The following PTPRM variants were observed in gnomAD, a reference collection of about 807,000 sequenced individuals.
PTPRM encodes receptor-type tyrosine-protein phosphatase mu.
A neutral mutation model predicts 186.7 loss-of-function variants in PTPRM; 47 were observed. That is an observed-to-expected ratio of 0.25 (90% CI 0.20 to 0.32). The LOEUF (loss-of-function observed/expected upper bound fraction) is 0.32, where lower values mean the gene tolerates loss of function less well. Among genes scored for constraint, PTPRM ranks in the 10% least tolerant of loss-of-function variants. The pLI is 1.00. For synonymous variants in PTPRM, 668 were observed against 674.9 expected, an observed-to-expected ratio of 0.99 and a Z score of 0.16; for missense variants, 1,494 against 1,865.0, an observed-to-expected ratio of 0.80 and a Z score of 3.66.
chr18:7,987,143 C>A (rs143428150), intron 7 of PTPRM, among the ~76,000 whole-genome samples: 173 of 152,274 alleles, frequency 1.1e-3, no homozygotes, highest in African/African-American at 3.9e-3. Context: ...TTAGACACAG[C>A]GCTTTTGAGC....
chr18:7,958,020 A>G (rs994467161), intron 7 of PTPRM, among the ~76,000 whole-genome samples: 1 of 152,140 alleles, frequency 6.6e-6, no homozygotes, highest in African/African-American at 2.4e-5. Context: ...AGTAATAGGA[A>G]TAAATCTAAA....
chr18:8,317,570 G>A (rs1362874544), intron 21 of PTPRM, among the ~76,000 whole-genome samples: 9 of 152,034 alleles, frequency 5.9e-5, no homozygotes, highest in Non-Finnish European at 1.2e-4. Context: ...GCAGATGGAG[G>A]AAAATGTCCA....
At chr18:7,758,705 T>C (rs2041624947) in intron 1 of PTPRM, among the ~76,000 whole-genome samples, 1 of 152,190 alleles carries the variant, frequency 6.6e-6, no homozygotes, top group Non-Finnish European at 1.5e-5. Context: ...AGTAAAGATA[T>C]CACATTTTGC....
At chr18:8,314,058 T>C (rs1444797743) in intron 20 of PTPRM, among the ~76,000 whole-genome samples, 1 of 152,162 alleles carries the variant, frequency 6.6e-6, no homozygotes, top group Non-Finnish European at 1.5e-5. Context: ...TCAATAGTAT[T>C]TGCAGATAAT....
At chr18:8,244,665 A>G (rs2094461506) in intron 15 of PTPRM, among the ~76,000 whole-genome samples, 2 of 152,214 alleles carry the variant, frequency 1.3e-5, no homozygotes, top group African/African-American at 4.8e-5. Context: ...GTCAGTGTCA[A>G]TTAATAAATT....
intron 13 of PTPRM, among the ~76,000 whole-genome samples, chr18:8,115,323 T>A (rs1482662683): frequency 6.6e-6 from 1 of 152,158 alleles, no homozygotes; most frequent in Non-Finnish European, 1.5e-5. Flanking sequence ...GTTATGTTGC[T>A]GTGGAGCATC....
chr18:7,629,014 T>C (rs1240844864), intron 1 of PTPRM, among the ~76,000 whole-genome samples: 1 of 152,202 alleles, frequency 6.6e-6, no homozygotes, highest in African/African-American at 2.4e-5. Context: ...GTTTGAACCA[T>C]TGAGTTAGCT....
At chr18:8,393,077 G>C (rs141423437) in intron 31 of PTPRM, among the ~76,000 whole-genome samples, 29 of 152,298 alleles carry the variant, frequency 1.9e-4, no homozygotes, top group African/African-American at 7.0e-4. Flanking sequence ...AAATATTTGC[G>C]TAGTCCCAAA....
chr18:7,891,277 C>A (rs72636713), intron 3 of PTPRM, among the ~76,000 whole-genome samples: 6 of 151,682 alleles, frequency 4.0e-5, no homozygotes, highest in Non-Finnish European at 7.4e-5. Context: ...CAGAGTGAGA[C>A]CTTGCCTCAA....
At chr18:7,822,016 A>G (rs1161430516) in intron 2 of PTPRM, among the ~76,000 whole-genome samples, 1 of 152,246 alleles carries the variant, frequency 6.6e-6, no homozygotes, top group East Asian at 1.9e-4. Flanking sequence ...AGGGAGGACT[A>G]CTATATTGCC....
intron 2 of PTPRM, among the ~76,000 whole-genome samples, chr18:7,856,598 C>T (rs574473390): frequency 2.0e-5 from 3 of 151,832 alleles, no homozygotes; most frequent in East Asian, 1.9e-4. Flanking sequence ...AAGAAAACTA[C>T]CTGGATGTGG....
At chr18:8,196,533 G>A (rs769435421) in intron 14 of PTPRM, among the ~76,000 whole-genome samples, 8 of 152,184 alleles carry the variant, frequency 5.3e-5, no homozygotes, top group Non-Finnish European at 8.8e-5. Flanking sequence ...AGCATTTGCT[G>A]AAAATATTCA....
chr18:8,327,272 A>G (rs1343787062), intron 22 of PTPRM, among the ~76,000 whole-genome samples: 1 of 152,210 alleles, frequency 6.6e-6, no homozygotes, highest in Admixed American at 6.5e-5. Flanking sequence ...GCCAGGTCAC[A>G]TTGGCAAAGA....
chr18:8,239,338 A>C (rs2147238997), intron 14 of PTPRM, among the ~76,000 whole-genome samples: 1 of 152,200 alleles, frequency 6.6e-6, no homozygotes, highest in African/African-American at 2.4e-5. Context: ...GGCTTTGTTA[A>C]GAACAGAACA....
intron 1 of PTPRM, among the ~76,000 whole-genome samples, chr18:7,713,052 C>T (rs1246955285): frequency 2.6e-5 from 4 of 151,894 alleles, no homozygotes; most frequent in Non-Finnish European, 5.9e-5. Context: ...AAGAGCAACC[C>T]CAAGACACAT....
intron 7 of PTPRM, among the ~76,000 whole-genome samples, chr18:7,985,510 T>C (rs1248114089): frequency 6.7e-6 from 1 of 149,208 alleles, no homozygotes; most frequent in East Asian, 1.9e-4. Context: ...TATAAATATA[T>C]ACATATACTG....
chr18:8,313,567 C>A (rs560656030), intron 20 of PTPRM, among the ~76,000 whole-genome samples: 1 of 151,454 alleles, frequency 6.6e-6, no homozygotes, highest in East Asian at 1.9e-4. Flanking sequence ...ATTAGCACAT[C>A]CTTTCTTTTT....
intron 1 of PTPRM, among the ~76,000 whole-genome samples, chr18:7,577,410 G>A (rs2036716591): frequency 6.6e-6 from 1 of 152,012 alleles, no homozygotes; most frequent in Non-Finnish European, 1.5e-5. Flanking sequence ...TTTAGTCACT[G>A]GTATATTAAA....
intron 19 of PTPRM, among the ~76,000 whole-genome samples, chr18:8,266,380 G>C (rs1029753799): frequency 1.9e-5 from 2 of 106,776 alleles, no homozygotes; most frequent in Admixed American, 1.8e-4. Context: ...AAAAAAAAAA[G>C]AATCGTGAAT....
Sources: allele counts gnomAD v4.1 joint callset (sites outside exome capture counted in the v4.1 genomes callset), GRCh38; gene constraint gnomAD v4.1.1; transcripts MANE v1.5; gene names NCBI Gene and HGNC (gene_info 2026-07-23, HGNC 2026-07-21).